Variants in OTC observed in about 807,000 individuals in gnomAD.
OTC encodes the protein ornithine transcarbamylase, mitochondrial.
A neutral mutation model predicts 30.3 loss-of-function variants in OTC; 3 were observed. That is an observed-to-expected ratio of 0.10 (90% CI 0.05 to 0.26). The LOEUF (loss-of-function observed/expected upper bound fraction) is 0.26, where lower values mean the gene tolerates loss of function less well. Ranked by LOEUF, OTC falls within the 10% of genes least tolerant of loss-of-function variation. The pLI is 1.00. For synonymous variants in OTC, 111 were observed against 99.7 expected (o/e 1.11, Z -0.67); for missense variants, 194 against 260.3 (o/e 0.75, Z 1.75).
chrX:38,421,589 C>CA (rs1175798068), downstream of OTC: 1 of 122,017 alleles, frequency 8.2e-6, no homozygotes, highest in East Asian at 2.5e-4. Flanking sequence ...GACAGGCATT[C>CA]ATTTATGGAG....
chrX:38,389,380 G>A (rs911876188), intron 4 of OTC, among the ~76,000 whole-genome samples: 2 of 84,620 alleles, frequency 2.4e-5, no homozygotes, highest in African/African-American at 9.1e-5. Context: ...GTGAACCATT[G>A]TCATATTAAA....
chrX:38,356,753 G>C (rs1051109501), intron 1 of OTC, among the ~76,000 whole-genome samples: 2 of 111,125 alleles, frequency 1.8e-5, no homozygotes, highest in Non-Finnish European at 3.8e-5. Flanking sequence ...TGAACGTGGG[G>C]TTTCGCTGGG....
chrX:38,390,850 C>A (rs753209296), intron 4 of OTC, among the ~76,000 whole-genome samples: 24 of 112,068 alleles, frequency 2.1e-4, no homozygotes, highest in Non-Finnish European at 4.3e-4. Flanking sequence ...TTCACCCAAC[C>A]ACACTAACTC....
At chrX:38,375,286 G>T (rs59911125) in intron 3 of OTC, among the ~76,000 whole-genome samples, 1 of 112,187 alleles carries the variant, frequency 8.9e-6, no homozygotes, top group African/African-American at 3.2e-5. Context: ...GGAAAAACAA[G>T]TGCACCAATA....
At chrX:38,403,772 C>T (rs775409646) in intron 6 of OTC, 32 bp downstream of exon 6, 1 of 1,198,940 alleles carries the variant, frequency 8.3e-7, no homozygotes, top group Non-Finnish European at 1.1e-6. Flanking sequence ...AAACTAACCC[C>T]TCTCTTAAAT....
chrX:38,398,834 A>AT (rs1182584027), intron 4 of OTC, among the ~76,000 whole-genome samples: 1 of 111,762 alleles, frequency 8.9e-6, no homozygotes, highest in African/African-American at 3.3e-5. Context: ...TGTGTAATCT[A>AT]TTAGTATTAG....
At chrX:38,338,080 A>G in the OTC span, among the ~76,000 whole-genome samples, 2 of 112,126 alleles carry the variant, frequency 1.8e-5, no homozygotes, top group Non-Finnish European at 3.8e-5. Flanking sequence ...TCAATTTTCC[A>G]GCTTTCAATC....
the OTC span, among the ~76,000 whole-genome samples, chrX:38,339,408 T>G: frequency 9.0e-6 from 1 of 111,239 alleles, no homozygotes; most frequent in Non-Finnish European, 1.9e-5. Flanking sequence ...TAGCTTTTTT[T>G]AAATGCTTAT....
At chrX:38,349,635 G>A (rs973347804), upstream of OTC, among the ~76,000 whole-genome samples, 1 of 112,742 alleles carries the variant, frequency 8.9e-6, no homozygotes, top group African/African-American at 3.2e-5. Flanking sequence ...CTCCAGAACT[G>A]TAAGCCAAAT....
intron 4 of OTC, among the ~76,000 whole-genome samples, chrX:38,397,039 A>G (rs887024069): frequency 9.0e-6 from 1 of 111,442 alleles, no homozygotes; most frequent in Non-Finnish European, 1.9e-5. Flanking sequence ...AAAACAATAC[A>G]TATCTATACT....
chrX:38,346,025 C>T, the OTC span, among the ~76,000 whole-genome samples: 78 of 111,450 alleles, frequency 7.0e-4, no homozygotes, highest in African/African-American at 2.5e-3. Flanking sequence ...AAGATGGACT[C>T]GGTTAAGTTA....
the OTC span, among the ~76,000 whole-genome samples, chrX:38,330,883 G>A: frequency 1.8e-5 from 2 of 111,861 alleles, no homozygotes; most frequent in African/African-American, 6.5e-5. Flanking sequence ...TGATTTTGTG[G>A]CTGTCTTTCC....
At chrX:38,407,948 C>T (rs976930319) in intron 6 of OTC, among the ~76,000 whole-genome samples, 4 of 111,548 alleles carry the variant, frequency 3.6e-5, no homozygotes, top group African/African-American at 1.3e-4. Flanking sequence ...CATGATGTCT[C>T]CTCACCCAGA....
chrX:38,392,019 C>T lies in OTC; in HGVS notation c.387-9256C>T, dbSNP rs138354465. Among the ~76,000 whole-genome samples the T allele has an allele frequency of 6.8e-4, 76 of 111,999 alleles. No individual in the cohort carries two copies. In the East Asian group the frequency reaches 0.021, roughly 31 times the overall value. On this transcript the variant is annotated intron_variant, in intron 4 of 9. Coordinates refer to ENST00000039007, the MANE Select transcript of OTC (RefSeq NM_000531.6). ...CCATCTTTCCACTTAAAGTTTCATG[C>T]CGTGCCTTTCCTTTTTCTAAACAGT... is the stretch of plus-strand genomic sequence containing the variant.
At chrX:38,346,700 C>T in the OTC span, among the ~76,000 whole-genome samples, 1 of 112,671 alleles carries the variant, frequency 8.9e-6, no homozygotes, top group East Asian at 2.8e-4. Context: ...TCCAAAAATA[C>T]TACACAGTGT....
intron 9 of OTC, among the ~76,000 whole-genome samples, chrX:38,417,235 C>T (rs2068574476): frequency 9.0e-6 from 1 of 111,701 alleles, no homozygotes; most frequent in African/African-American, 3.3e-5. Context: ...GGACTCAATA[C>T]ATTTTTGCAG....
chrX:38,390,346 CAG>C (rs1385628170), intron 4 of OTC, among the ~76,000 whole-genome samples: 12 of 112,104 alleles, frequency 1.1e-4, no homozygotes, highest in Admixed American at 1.0e-3. Flanking sequence ...GAGGGAGATT[CAG>C]AGAGTTTATC....
the OTC span, among the ~76,000 whole-genome samples, chrX:38,331,431 GT>G: frequency 2.7e-5 from 2 of 73,448 alleles, no homozygotes; most frequent in East Asian, 4.2e-4. Context: ...TTTTTTTTTT[GT>G]TTTTTTTTTG....
the OTC span, among the ~76,000 whole-genome samples, chrX:38,340,469 T>TG: frequency 6.6e-4 from 61 of 92,654 alleles, no homozygotes; most frequent in African/African-American, 2.0e-3. Context: ...GTTTTTTTTT[T>TG]TTTGTTTTTT....
Sources: allele counts gnomAD v4.1 joint callset (sites outside exome capture counted in the v4.1 genomes callset), GRCh38; gene constraint gnomAD v4.1.1; transcripts MANE v1.5; gene names NCBI Gene and HGNC (gene_info 2026-07-23, HGNC 2026-07-21).